The following CEP41 variants were observed in gnomAD, a reference collection of about 807,000 sequenced individuals.
CEP41 encodes the protein centrosomal protein of 41 kDa.
A neutral mutation model predicts 44.3 loss-of-function variants in CEP41; 32 were observed. The observed-to-expected ratio is 0.72, with a 90% CI of 0.54 to 0.97. CEP41 has a LOEUF of 0.97. Ranked by LOEUF, CEP41 falls within the 50% of genes least tolerant of loss-of-function variation. CEP41 has a pLI of 0.00. For missense variants in CEP41, 432 were observed against 455.2 expected, an observed-to-expected ratio of 0.95 and a Z score of 0.46; for synonymous variants, 151 against 168.5, an observed-to-expected ratio of 0.90 and a Z score of 0.80.
intron 1 of CEP41, among the ~76,000 whole-genome samples, chr7:130,437,842 C>T (rs912459057): frequency 6.7e-6 from 1 of 148,790 alleles, no homozygotes; most frequent in Non-Finnish European, 1.5e-5. Flanking sequence ...CTATACTCAG[C>T]CAAACTCACT....
intron 1 of CEP41, 125 bp from the exon 2 acceptor site, chr7:130,428,143 G>A: frequency 1.4e-6 from 1 of 720,876 alleles, no homozygotes; most frequent in South Asian, 1.5e-5. Flanking sequence ...TAAAGATGGT[G>A]CCGGGCATGG....
chr7:130,428,383 T>A (rs1554424239), intron 1 of CEP41, among the ~76,000 whole-genome samples: 1 of 129,798 alleles, frequency 7.7e-6, no homozygotes, highest in African/African-American at 3.1e-5. Context: ...GAGGTGAGAT[T>A]ATGCCACTGC....
At position 130,401,903 on chromosome 7, in the gene CEP41, T is replaced by A. The variant is rs782541988; in HGVS notation, c.620A>T (p.Tyr207Phe). 3 of 1,608,402 alleles carry A rather than the reference T, an allele frequency of 1.9e-6. No homozygotes were observed. The highest frequency in any genetic ancestry group is 2.6e-6 in the Non-Finnish European group (3 of 1,174,936). ...IATLSRTMNP[Y>F]SNDILEYKNA... is the part of the protein sequence containing the mutation. ...TACATATTCAAGAATATCATTTGAA[T>A]AAGGGTTCATTGTTCTAGACAGAGT... Residue 207 changes from tyrosine (Y) to phenylalanine (F), a missense_variant, in exon 8 of 11, where the codon TAT becomes TTT. Transcript: ENST00000223208.
intron 2 of CEP41, 101 bp from the exon 3 acceptor site, chr7:130,417,067 T>A (rs1797359776): frequency 3.0e-6 from 4 of 1,355,754 alleles, no homozygotes; most frequent in Non-Finnish European, 4.2e-6. Flanking sequence ...AGCTTTCCTA[T>A]CCTGTTCTTA....
chr7:130,412,986 T>C (rs1406051487), intron 3 of CEP41, among the ~76,000 whole-genome samples: 1 of 152,252 alleles, frequency 6.6e-6, no homozygotes, highest in African/African-American at 2.4e-5. Context: ...TTCTTGTTTT[T>C]GTTGTTTACT....
chr7:130,419,912 C>G (rs1797450686), intron 2 of CEP41: 1 of 985,228 alleles, frequency 1.0e-6, no homozygotes, highest in African/African-American at 1.7e-5. Context: ...TCTTACCTAC[C>G]TTACTAGACA....
chr7:130,399,661 T>C, intron 10 of CEP41: 1 of 254,402 alleles, frequency 3.9e-6, no homozygotes, highest in Non-Finnish European at 7.7e-6. Context: ...CTACTTAAAA[T>C]ACAAAAAAAT....
chr7:130,422,108 T>A lies in CEP41; in HGVS notation c.98-5142A>T. ...TTCATATGAGAAGCAGAGCCAGAGGTATAAAAACAAAAAATAATCTTTAAC... is the reference window on the plus strand; with the variant it reads ...TTCATATGAGAAGCAGAGCCAGAGGAATAAAAACAAAAAATAATCTTTAAC... On this transcript the variant is annotated intron_variant, in intron 2 of 10. Transcript: ENST00000223208. The A allele has an allele frequency of 5.1e-6, 7 of 1,369,526 alleles. No homozygotes were observed. The Admixed American group carries it at 9.2e-5, about 18-fold the overall frequency. The allele number at this position is 1,369,526 out of a possible 1,614,324, so 84.8% of individuals were successfully genotyped here. A position where few individuals can be genotyped will look rare whatever the true frequency, so the allele number is the denominator to read the frequency against.
In CEP41 at chr7:130,396,410, A is replaced by G. The variant is rs528289176; in HGVS notation, c.*2481T>C. 1 of 454,400 alleles carries G rather than the reference A, an allele frequency of 2.2e-6. No homozygotes were observed. Among genetic ancestry groups the G allele is most frequent in the Non-Finnish European group, 4.4e-6 (1 of 226,760 alleles). 28.1% of individuals were successfully genotyped at this position (454,400 alleles called of 1,614,324 possible). On this transcript the variant is annotated 3_prime_UTR_variant, in exon 11 of 11. Transcript: ENST00000223208. ...ATTTCCTGATTCATTTATTTTTTTT[A>G]AAAAATGCTTTCCTAGGAGATGCAG... is the stretch of plus-strand genomic sequence containing the variant.
At chr7:130,434,742 T>G (rs1797914211) in intron 1 of CEP41, among the ~76,000 whole-genome samples, 1 of 152,212 alleles carries the variant, frequency 6.6e-6, no homozygotes, top group South Asian at 2.1e-4. Flanking sequence ...CACAAAATAA[T>G]GTCTGTTTTA....
At chr7:130,402,344 AAAAAAAAAAC>A (rs1271090142) in intron 7 of CEP41, among the ~76,000 whole-genome samples, 1 of 95,044 alleles carries the variant, frequency 1.1e-5, no homozygotes, top group Non-Finnish European at 2.5e-5. Context: ...AGGTATTAAC[AAAAAAAAAAC>A]AAAAAAAAAA....
rs926825169 is a variant in CEP41, at chr7:130,397,751, T to G, written c.*1140A>C. 4 of 450,968 alleles carry G rather than the reference T, an allele frequency of 8.9e-6. No homozygotes were observed. The highest frequency in any genetic ancestry group is 8.9e-6 in the Non-Finnish European group (2 of 224,712). The allele number at this position is 450,968 out of a possible 1,614,324, so 27.9% of individuals were successfully genotyped here. ...TTCCTCATCCTTACCTGAGGCCTTT[T>G]GTTCCCCCAATTAAATGGAATGAAT... On this transcript the variant is annotated 3_prime_UTR_variant, in exon 11 of 11. Coordinates refer to ENST00000223208, the MANE Select transcript of CEP41 (RefSeq NM_018718.3).
In CEP41 at chr7:130,396,119, C is replaced by T. The variant is rs1260503425; in HGVS notation, c.*2772G>A. 4.4e-6 allele frequency: 2 copies of T among 453,666 alleles called. No individual in the cohort carries two copies. Among genetic ancestry groups the T allele is most frequent in the Non-Finnish European group, 8.8e-6 (2 of 226,744 alleles). 28.1% of individuals were successfully genotyped at this position (453,666 alleles called of 1,614,324 possible). Reference sequence around the variant, plus strand: ...CTTTCTTTTTTTCTTTTCTCCCTTCCTTAAACACAAACCCCTTTAAAGCAT... The same window carrying T: ...CTTTCTTTTTTTCTTTTCTCCCTTCTTTAAACACAAACCCCTTTAAAGCAT... On this transcript the variant is annotated 3_prime_UTR_variant, in exon 11 of 11. Coordinates refer to ENST00000223208, the MANE Select transcript of CEP41 (RefSeq NM_018718.3).
At chr7:130,428,083 G>C in intron 1 of CEP41, 65 bp from the exon 2 acceptor site, 1 of 1,115,696 alleles carries the variant, frequency 9.0e-7, no homozygotes, top group African/African-American at 1.5e-5. Flanking sequence ...GTAAAGTCAG[G>C]AGTCAGATAC....
In CEP41 at chr7:130,396,088, C is replaced by G; in HGVS notation, c.*2803G>C. The G allele has an allele frequency of 2.2e-6, 1 of 453,958 alleles. No homozygotes were observed. Among genetic ancestry groups the G allele is most frequent in the South Asian group, 1.6e-5 (1 of 64,452 alleles). 28.1% of individuals were successfully genotyped at this position (453,958 alleles called of 1,614,324 possible). On this transcript the variant is annotated 3_prime_UTR_variant, in exon 11 of 11. Transcript: ENST00000223208. Reference sequence around the variant, plus strand: ...TCTTCCCATTTCCTTGCTTCTTTCTCCCTTCCTTTCTTTTTTTCTTTTCTC... The same window carrying G: ...TCTTCCCATTTCCTTGCTTCTTTCTGCCTTCCTTTCTTTTTTTCTTTTCTC...
rs1554416501 is a variant in CEP41, at chr7:130,400,171, C to G, written c.841G>C (p.Gly281Arg). The G allele has an allele frequency of 6.2e-7, 1 of 1,613,848 alleles. No individual in the cohort carries two copies. Among genetic ancestry groups the G allele is most frequent in the African/African-American group, 1.3e-5 (1 of 74,904 alleles). Residue 281 changes from glycine to arginine, a missense_variant, in exon 10 of 11, where the codon GGG (glycine) becomes CGG (arginine). Transcript: ENST00000223208. ...GGGCTGGATCGTTTCCGGGCAGACC[C>G]AGGAGGAAGGGCCTGCTGGCAAGAT... is the stretch of plus-strand genomic sequence containing the variant. ...PASCQQALPP[G>R]SARKRSSPKG...
chr7:130,436,711 C>T (rs188954242), intron 1 of CEP41, among the ~76,000 whole-genome samples: 431 of 150,026 alleles, frequency 2.9e-3, no homozygotes, highest in Non-Finnish European at 2.9e-3. Flanking sequence ...TTTAAAAGTA[C>T]AACAGAGCAA....
intron 7 of CEP41, 87 bp from the exon 8 acceptor site, chr7:130,402,035 TTAAA>T (rs782743139): frequency 3.1e-5 from 28 of 891,004 alleles, no homozygotes; most frequent in Non-Finnish European, 4.9e-5. Flanking sequence ...AATCTAAGAG[TTAAA>T]TACATCTTCA....
chr7:130,404,984 A>G (rs1796966389), intron 5 of CEP41, among the ~76,000 whole-genome samples: 2 of 152,204 alleles, frequency 1.3e-5, no homozygotes, highest in African/African-American at 4.8e-5. Context: ...AATGGTGGAT[A>G]AAGCTGCTAG....
Sources: allele counts gnomAD v4.1 joint callset (sites outside exome capture counted in the v4.1 genomes callset), GRCh38; gene constraint gnomAD v4.1.1; transcripts MANE v1.5; gene names NCBI Gene and HGNC (gene_info 2026-07-23, HGNC 2026-07-21).